The following PTPRK variants were observed in gnomAD, a reference collection of about 807,000 sequenced individuals.
The protein encoded by PTPRK is receptor-type tyrosine-protein phosphatase kappa.
PTPRK carries 75 observed loss-of-function variants against 178.0 expected under a neutral mutation model. The ratio of observed to expected loss-of-function variants is 0.42; its 90% CI spans 0.35 to 0.51. The LOEUF is 0.51. PTPRK is among the 20% of genes least tolerant of loss of function. The pLI is 0.02. For synonymous variants in PTPRK, 637 were observed against 620.6 expected, an observed-to-expected ratio of 1.03 and a Z score of -0.39; for missense variants, 1,441 against 1,797.8, an observed-to-expected ratio of 0.80 and a Z score of 3.59.
intron 1 of PTPRK, among the ~76,000 whole-genome samples, chr6:128,432,973 T>C (rs1845031176): frequency 6.6e-6 from 1 of 152,200 alleles, no homozygotes; most frequent in Non-Finnish European, 1.5e-5. Context: ...TATTATTCAA[T>C]TCCCTTTAAC....
At chr6:128,141,476 T>G (rs1392628626) in intron 7 of PTPRK, among the ~76,000 whole-genome samples, 1 of 151,888 alleles carries the variant, frequency 6.6e-6, no homozygotes, top group Non-Finnish European at 1.5e-5. Flanking sequence ...TTAGAATACT[T>G]TAGTCATTCA....
intron 7 of PTPRK, among the ~76,000 whole-genome samples, chr6:128,121,984 G>C (rs1792542618): frequency 6.6e-6 from 1 of 152,100 alleles, no homozygotes; most frequent in South Asian, 2.1e-4. Flanking sequence ...ATAAAGGGCA[G>C]TTAACACCTG....
chr6:128,326,381 G>A (rs1051926472), intron 2 of PTPRK, among the ~76,000 whole-genome samples: 1 of 152,022 alleles, frequency 6.6e-6, no homozygotes, highest in African/African-American at 2.4e-5. Context: ...AAACCATCAG[G>A]TATGTATAAA....
intron 7 of PTPRK, among the ~76,000 whole-genome samples, chr6:128,161,867 T>C (rs1383217948): frequency 6.6e-6 from 1 of 151,648 alleles, no homozygotes. Flanking sequence ...TCATTTATAC[T>C]ATGGACAGCA....
At chr6:128,292,314 A>T (rs1823515145) in intron 3 of PTPRK, among the ~76,000 whole-genome samples, 1 of 152,092 alleles carries the variant, frequency 6.6e-6, no homozygotes, top group Admixed American at 6.6e-5. Flanking sequence ...GTAAACATAA[A>T]TCTTCTCATA....
At chr6:128,420,033 G>A (rs1442222114) in intron 1 of PTPRK, among the ~76,000 whole-genome samples, 1 of 152,172 alleles carries the variant, frequency 6.6e-6, no homozygotes, top group African/African-American at 2.4e-5. Context: ...GAATAATCAT[G>A]CGTAACACTG....
At chr6:128,058,398 T>C (rs1780258775) in intron 13 of PTPRK, among the ~76,000 whole-genome samples, 4 of 152,174 alleles carry the variant, frequency 2.6e-5, no homozygotes, top group Admixed American at 2.6e-4. Flanking sequence ...CAATTTGTAT[T>C]TTCCTGTTGA....
At chr6:128,439,877 G>C (rs1846067651) in intron 1 of PTPRK, among the ~76,000 whole-genome samples, 1 of 152,150 alleles carries the variant, frequency 6.6e-6, no homozygotes, top group South Asian at 2.1e-4. Flanking sequence ...ACTCATACTA[G>C]AAGCAGAAGA....
At chr6:128,472,709 T>G (rs940820723) in intron 1 of PTPRK, 1 of 355,280 alleles carries the variant, frequency 2.8e-6, no homozygotes, top group African/African-American at 2.2e-5. Flanking sequence ...TATTTCCAAC[T>G]GTAACAATAT....
intron 3 of PTPRK, among the ~76,000 whole-genome samples, chr6:128,310,414 C>T (rs1281381954): frequency 6.6e-6 from 1 of 152,052 alleles, no homozygotes; most frequent in African/African-American, 2.4e-5. Context: ...CGTTGCCTTC[C>T]GTATCCTTTG....
rs185754543 is a variant in PTPRK, at chr6:128,270,038, C to T, written c.496-27436G>A. 3.2e-4 allele frequency among the ~76,000 whole-genome samples: 48 copies of T among 152,226 alleles called. 2 individuals are homozygous for T. Among genetic ancestry groups the T allele is most frequent in the African/African-American group, 1.1e-3 (46 of 41,562 alleles). On this transcript the variant is annotated intron_variant, in intron 3 of 29. Coordinates refer to ENST00000368226, the MANE Select transcript of PTPRK (RefSeq NM_002844.4). ...CTGATTGTACCTGCTAGTCGATTATCCTTATCCCATAATAGGCAGTTCTGG... is the reference window on the plus strand; with the variant it reads ...CTGATTGTACCTGCTAGTCGATTATTCTTATCCCATAATAGGCAGTTCTGG...
intron 13 of PTPRK, among the ~76,000 whole-genome samples, chr6:128,022,030 G>A (rs1024456912): frequency 2.6e-5 from 4 of 152,178 alleles, no homozygotes; most frequent in Non-Finnish European, 4.4e-5. Context: ...CTAGCAAAGA[G>A]TAACAATTCA....
chr6:128,085,686 C>T (rs1044805385), intron 8 of PTPRK, among the ~76,000 whole-genome samples: 2 of 152,130 alleles, frequency 1.3e-5, no homozygotes, highest in African/African-American at 4.8e-5. Context: ...TTGGGAAGTA[C>T]CTTCCCTAGA....
chr6:128,048,608 A>T (rs1343112801), intron 13 of PTPRK, among the ~76,000 whole-genome samples: 1 of 152,090 alleles, frequency 6.6e-6, no homozygotes, highest in Non-Finnish European at 1.5e-5. Context: ...TCTTCAAAGG[A>T]TTTATCACCA....
chr6:128,514,746 G>C lies in PTPRK; in HGVS notation c.100+5513C>G, dbSNP rs140743973. ...CCAAAAATTTCAACCAGAGTTAAGTGGGGAAATGGCAATGTTCCACGAGAG... is the reference window on the plus strand; with the variant it reads ...CCAAAAATTTCAACCAGAGTTAAGTCGGGAAATGGCAATGTTCCACGAGAG... On this transcript the variant is annotated intron_variant, in intron 1 of 29. Coordinates refer to ENST00000368226, the MANE Select transcript of PTPRK (RefSeq NM_002844.4). 2.6e-5 allele frequency among the ~76,000 whole-genome samples: 4 copies of C among 152,216 alleles called. No individual in the cohort carries two copies. The East Asian group carries it at 7.7e-4, about 29-fold the overall frequency.
intron 2 of PTPRK, among the ~76,000 whole-genome samples, chr6:128,373,743 C>T (rs553423391): frequency 5.8e-4 from 88 of 152,270 alleles, no homozygotes; most frequent in African/African-American, 1.9e-3. Flanking sequence ...GCTTCTCCAT[C>T]TTTCATTCAC....
intron 2 of PTPRK, among the ~76,000 whole-genome samples, chr6:128,345,101 A>T (rs985623440): frequency 4.6e-5 from 7 of 151,436 alleles, no homozygotes; most frequent in African/African-American, 1.7e-4. Flanking sequence ...GTAGGACTTT[A>T]AGAAGTCAGA....
rs758654560 is a variant in PTPRK, at chr6:128,064,811, G to GA, written c.2158-18dup. ...TTTAGTTTCCTGATAGAGTAAAAAT[G>GA]AAAAAAAAAAGAGTCAATGTACAGA... On this transcript the variant is annotated splice_polypyrimidine_tract_variant and intron_variant, in intron 12 of 29. Transcript: ENST00000368226. The GA allele has an allele frequency of 3.7e-3, 5,123 of 1,400,672 alleles. No homozygotes were observed. Among genetic ancestry groups the GA allele is most frequent in the South Asian group, 0.011 (749 of 69,456 alleles). The allele number at this position is 1,400,672 out of a possible 1,614,324, so 86.8% of individuals were successfully genotyped here. A position where few individuals can be genotyped will look rare whatever the true frequency, so the allele number is the denominator to read the frequency against.
chr6:128,169,783 ATGTGTGTGTG>A (rs10552787), intron 7 of PTPRK, among the ~76,000 whole-genome samples: 51 of 145,540 alleles, frequency 3.5e-4, no homozygotes, highest in African/African-American at 9.2e-4. Flanking sequence ...TATTTTTTTA[ATGTGTGTGTG>A]TGTGTGTGTG....
Sources: gnomAD v4.1 joint callset for allele counts (sites outside exome capture counted in the v4.1 genomes callset) on GRCh38, gnomAD v4.1.1 for gene constraint, MANE v1.5 for transcripts, NCBI Gene and HGNC (gene_info 2026-07-23, HGNC 2026-07-21) for gene names.